Variants in TRIML1 observed in about 807,000 individuals in gnomAD.
The protein encoded by TRIML1 is probable E3 ubiquitin-protein ligase TRIML1.
In TRIML1, 34 loss-of-function variants were observed where a neutral mutation model predicts 32.3. The ratio of observed to expected loss-of-function variants is 1.05; its 90% CI spans 0.80 to 1.40. TRIML1 has a LOEUF of 1.40. TRIML1 is among the 40% of genes most tolerant of loss of function. The probability of loss-of-function intolerance (pLI) is 0.00; values close to 1 mark genes in which losing one functional copy is unlikely to be tolerated. For missense variants in TRIML1, 595 were observed against 574.9 expected (o/e 1.03, Z -0.36); for synonymous variants, 244 against 226.6 (o/e 1.08, Z -0.69).
In TRIML1 at chr4:188,146,973, C is replaced by T. The variant is rs1406223169; in HGVS notation, c.1008C>T (p.Phe336=). 6.4e-7 allele frequency: 1 copy of T among 1,560,948 alleles called. No homozygotes were observed. Among genetic ancestry groups the T allele is most frequent in the Admixed American group, 1.9e-5 (1 of 53,466 alleles). Reference sequence around the variant, plus strand: ...CGACTGTGCTGGGTACTCAGATCTTCACCAGTGGGAGACACTACTGGGAGG... The same window carrying T: ...CGACTGTGCTGGGTACTCAGATCTTTACCAGTGGGAGACACTACTGGGAGG... ...QSATVLGTQI[F]TSGRHYWEVE... The change falls in exon 6 of 6, where the codon TTC becomes TTT. Residue 336 remains phenylalanine, a synonymous_variant. Transcript: ENST00000332517.
chr4:188,144,275 G>T, intron 5 of TRIML1, 142 bp downstream of exon 5: 1 of 692,934 alleles, frequency 1.4e-6, no homozygotes, highest in Non-Finnish European at 2.5e-6. Context: ...GGGAGGGCTG[G>T]GGCCACAGAC....
chr4:188,146,883 G>A lies in TRIML1; in HGVS notation c.918G>A (p.Lys306=), dbSNP rs747228509. Residue 306 remains lysine (K), a synonymous_variant, in exon 6 of 6, where the codon AAG becomes AAA. Transcript: ENST00000332517. ...NAYLVLSEDL[K]SVKYGGSRQQ... is the part of the protein sequence containing the mutation. ...ATCTCGTGTTGTCGGAGGATCTGAA[G>A]AGTGTGAAATATGGGGGAAGCAGAC... is the stretch of plus-strand genomic sequence containing the variant. 6.7e-7 allele frequency: 1 copy of A among 1,487,672 alleles called. No homozygotes were observed. Among genetic ancestry groups the A allele is most frequent in the Non-Finnish European group, 8.9e-7 (1 of 1,118,106 alleles). The allele number at this position is 1,487,672 out of a possible 1,614,324, so 92.2% of individuals were successfully genotyped here.
intron 5 of TRIML1, among the ~76,000 whole-genome samples, chr4:188,145,073 T>C (rs537196751): frequency 2.2e-4 from 34 of 152,144 alleles, no homozygotes; most frequent in Non-Finnish European, 4.0e-4. Context: ...TCAATGAAAT[T>C]GAGGAGGAAG....
upstream of TRIML1, among the ~76,000 whole-genome samples, chr4:188,137,630 A>G (rs909778807): frequency 5.3e-5 from 8 of 151,910 alleles, no homozygotes; most frequent in Non-Finnish European, 7.4e-5. Context: ...GGCATGTGCC[A>G]CCATGCCCGG....
intron 5 of TRIML1, among the ~76,000 whole-genome samples, 190 bp from the exon 6 acceptor site, chr4:188,146,632 A>G (rs574124579): frequency 3.2e-4 from 48 of 151,366 alleles, no homozygotes; most frequent in African/African-American, 1.1e-3. Flanking sequence ...CTGGTCTTGA[A>G]CTCCTGACCT....
At chr4:188,139,398 T>C (rs1734759288), upstream of TRIML1, 2 of 682,658 alleles carry the variant, frequency 2.9e-6, no homozygotes, top group Non-Finnish European at 4.8e-6. Flanking sequence ...GGACAGTGTA[T>C]GTCAGCTGGT....
upstream of TRIML1, among the ~76,000 whole-genome samples, chr4:188,138,334 G>A (rs1046424804): frequency 1.3e-5 from 2 of 152,098 alleles, no homozygotes; most frequent in African/African-American, 4.8e-5. Flanking sequence ...ACCAATGAAC[G>A]GAACAGCCTG....
At chr4:188,138,910 C>T (rs1734746738), upstream of TRIML1, among the ~76,000 whole-genome samples, 1 of 151,938 alleles carries the variant, frequency 6.6e-6, no homozygotes, top group South Asian at 2.1e-4. Context: ...CCAAGGAATA[C>T]TTCAGTGGAA....
chr4:188,140,774 T>C, intron 2 of TRIML1, 151 bp downstream of exon 2: 2 of 609,310 alleles, frequency 3.3e-6, no homozygotes, highest in Non-Finnish European at 5.8e-6. Flanking sequence ...TGCCTTCTTC[T>C]GAGCGTCCTC....
At chr4:188,137,889 A>G (rs1016871747), upstream of TRIML1, among the ~76,000 whole-genome samples, 6 of 150,004 alleles carry the variant, frequency 4.0e-5, no homozygotes, top group Non-Finnish European at 8.9e-5. Flanking sequence ...CTGGGATTAC[A>G]GATGTGAGCA....
intron 5 of TRIML1, 111 bp from the exon 6 acceptor site, chr4:188,146,711 A>G: frequency 1.1e-6 from 1 of 922,856 alleles, no homozygotes; most frequent in Non-Finnish European, 1.5e-6. Context: ...CCGGCCCCAA[A>G]TTACATTTAA....
chr4:188,146,543 C>T (rs778266492), intron 5 of TRIML1, among the ~76,000 whole-genome samples: 30 of 152,020 alleles, frequency 2.0e-4, no homozygotes, highest in Non-Finnish European at 3.8e-4. Flanking sequence ...CTGAGTAGTT[C>T]GGATTACAAG....
Position 188,142,461 on chromosome 4 carries a change from C to T in TRIML1, c.714C>T (p.Ser238=), listed in dbSNP as rs746009999. 2.5e-6 allele frequency: 4 copies of T among 1,613,622 alleles called. No individual in the cohort carries two copies. Among genetic ancestry groups the T allele is most frequent in the South Asian group, 2.2e-5 (2 of 91,046 alleles). ...CACAGATTGAGTCCTCAAGTCAAAG[C>T]TCGGCTTTCGAATCTCTTGAGGTGA... ...MIAQIESSSQ[S]SAFESLEEVR... Residue 238 remains serine (S), a synonymous_variant, in exon 3 of 6, where the codon AGC becomes AGT. Coordinates refer to ENST00000332517, the MANE Select transcript of TRIML1 (RefSeq NM_178556.5).
downstream of TRIML1, among the ~76,000 whole-genome samples, chr4:188,149,089 AT>A (rs776724939): frequency 8.5e-4 from 117 of 138,228 alleles, no homozygotes; most frequent in Admixed American, 1.0e-3. Flanking sequence ...AAGTTTTTGT[AT>A]TTTTTTTTTT....
At position 188,140,517 on chromosome 4, in the gene TRIML1, T is replaced by A; in HGVS notation, c.409-11T>A. The A allele has an allele frequency of 6.2e-7, 1 of 1,606,618 alleles. No homozygotes were observed. Among genetic ancestry groups the A allele is most frequent in the Non-Finnish European group, 8.5e-7 (1 of 1,174,886 alleles). On this transcript the variant is annotated splice_polypyrimidine_tract_variant and intron_variant, in intron 1 of 5. Coordinates refer to ENST00000332517, the MANE Select transcript of TRIML1 (RefSeq NM_178556.5). ...TGCTCATTTGCCAGAAAGGGTTTGT[T>A]TCTATTGCAGGAGAAACTCCAGGAA...
intron 3 of TRIML1, among the ~76,000 whole-genome samples, 170 bp downstream of exon 3, chr4:188,142,652 G>A (rs112839674): frequency 0.034 from 5,044 of 149,350 alleles, 276 homozygotes; most frequent in African/African-American, 0.12. Context: ...ATAGAAGAGA[G>A]AGAGAGAGAA....
intron 5 of TRIML1, among the ~76,000 whole-genome samples, chr4:188,146,105 G>A (rs945768180): frequency 2.0e-5 from 3 of 152,146 alleles, no homozygotes; most frequent in African/African-American, 7.2e-5. Flanking sequence ...GAAAATGTTT[G>A]GCACATTAGA....
downstream of TRIML1, among the ~76,000 whole-genome samples, chr4:188,150,046 C>T (rs867334583): frequency 6.6e-5 from 10 of 151,918 alleles, no homozygotes; most frequent in Non-Finnish European, 1.2e-4. Context: ...CCTCCTGATC[C>T]GCCCACCTCA....
At chr4:188,139,430 A>T, upstream of TRIML1, 1 of 882,896 alleles carries the variant, frequency 1.1e-6, no homozygotes, top group Non-Finnish European at 1.7e-6. Context: ...CAGAAGAGAT[A>T]AGGGTTTCTT....
Sources: allele counts gnomAD v4.1 joint callset (sites outside exome capture counted in the v4.1 genomes callset), GRCh38; gene constraint gnomAD v4.1.1; transcripts MANE v1.5; gene names NCBI Gene and HGNC (gene_info 2026-07-23, HGNC 2026-07-21).